CLASRP: variants seen among roughly 807,000 people sequenced by gnomAD.
CLASRP encodes CLK4 associating serine/arginine rich protein, also known as CLK4-associating serine/arginine rich protein.
Under a neutral mutation model 99.9 loss-of-function variants are expected in CLASRP, and 52 were observed. The ratio of observed to expected loss-of-function variants is 0.52; its 90% CI spans 0.42 to 0.66. The LOEUF (loss-of-function observed/expected upper bound fraction) is 0.66. Ranked by LOEUF, CLASRP falls within the 30% of genes least tolerant of loss-of-function variation. CLASRP has a pLI of 0.00. For synonymous variants in CLASRP, 379 were observed against 373.0 expected, an observed-to-expected ratio of 1.02 and a Z score of -0.18; for missense variants, 848 against 999.2, an observed-to-expected ratio of 0.85 and a Z score of 2.04.
At position 45,056,445 on chromosome 19, in the gene CLASRP, T is replaced by C. The variant is rs764474709; in HGVS notation, c.380-5T>C. ...CTCTGACCTGGGGTCTCTTGTTTGC[T>C]GCAGTCTCAGAGGAGCAGTGCCTGT... On this transcript the variant is annotated splice_region_variant and splice_polypyrimidine_tract_variant and intron_variant, in intron 5 of 20. Coordinates refer to ENST00000221455, the MANE Select transcript of CLASRP (RefSeq NM_007056.3). The C allele has an allele frequency of 6.2e-7, 1 of 1,613,876 alleles. No individual in the cohort carries two copies. The highest frequency in any genetic ancestry group is 1.1e-5 in the South Asian group (1 of 91,090).
In CLASRP at chr19:45,056,550, G is replaced by C; in HGVS notation, c.464+16G>C. The C allele has an allele frequency of 6.2e-7, 1 of 1,609,844 alleles. No homozygotes were observed. Among genetic ancestry groups the C allele is most frequent in the Admixed American group, 1.7e-5 (1 of 60,016 alleles). ...AGAAGAAGAAGTGAGTCGGGGTCTG[G>C]GGTGCAGGGGGTTGAGGAGGCAGGA... is the stretch of plus-strand genomic sequence containing the variant. On this transcript the variant is annotated intron_variant, in intron 6 of 20. Coordinates refer to ENST00000221455, the MANE Select transcript of CLASRP (RefSeq NM_007056.3).
At chr19:45,051,946 C>A (rs149224086) in intron 2 of CLASRP, 125 bp from the exon 3 acceptor site, 1 of 698,884 alleles carries the variant, frequency 1.4e-6, no homozygotes. Flanking sequence ...CCAGCCTGGG[C>A]GACAGAGTGA....
chr19:45,046,188 A>T (rs556775844), intron 2 of CLASRP, among the ~76,000 whole-genome samples: 5 of 152,268 alleles, frequency 3.3e-5, no homozygotes, highest in Non-Finnish European at 7.4e-5. Context: ...GGCCGAGAGC[A>T]GAGGCTGTGG....
intron 16 of CLASRP, among the ~76,000 whole-genome samples, 158 bp from the exon 17 acceptor site, chr19:45,068,908 C>T (rs752601904): frequency 4.0e-5 from 6 of 151,346 alleles, no homozygotes; most frequent in Non-Finnish European, 5.9e-5. Flanking sequence ...GGAGATGGCG[C>T]GAACCCGGGG....
intron 2 of CLASRP, among the ~76,000 whole-genome samples, chr19:45,040,967 A>T (rs560225351): frequency 2.0e-4 from 30 of 152,164 alleles, no homozygotes; most frequent in Non-Finnish European, 3.2e-4. Context: ...CAACGCCTGT[A>T]ATCCCAGCAC....
rs371362238 is a variant in CLASRP, at chr19:45,064,439, G to A, written c.1218G>A (p.Gly406=). Residue 406 remains glycine, a synonymous_variant, in exon 13 of 21, where the codon GGG becomes GGA. Transcript: ENST00000221455. ...CCAGCTCCCGCTCTCGCCGTGGTGGGGGCTACTACCGTTCCGGCCGCCACG... is the reference window on the plus strand; with the variant it reads ...CCAGCTCCCGCTCTCGCCGTGGTGGAGGCTACTACCGTTCCGGCCGCCACG... ...SRSSSRSRRG[G]GYYRSGRHAR... The A allele has an allele frequency of 5.0e-4, 769 of 1,525,620 alleles. No individual in the cohort carries two copies. Among genetic ancestry groups the A allele is most frequent in the Non-Finnish European group, 6.4e-4 (725 of 1,137,158 alleles). 94.5% of individuals were successfully genotyped at this position (1,525,620 alleles called of 1,614,324 possible). A position where few individuals can be genotyped will look rare whatever the true frequency, so the allele number is the denominator to read the frequency against.
Position 45,053,058 on chromosome 19 carries a change from C to T in CLASRP, c.300-40C>T, listed in dbSNP as rs191978686. On this transcript the variant is annotated intron_variant, in intron 4 of 20. Transcript: ENST00000221455. ...TCCTGCTGGCTTGGGGGGGGATCCA[C>T]TCCTTCTCTCTGATTTCAAGGTCTC... is the stretch of plus-strand genomic sequence containing the variant. The T allele has an allele frequency of 4.3e-6, 7 of 1,610,490 alleles. No homozygotes were observed. In the African/African-American group the frequency reaches 8.0e-5, roughly 18 times the overall value.
At chr19:45,045,524 A>G (rs1465018936) in intron 2 of CLASRP, among the ~76,000 whole-genome samples, 1 of 152,198 alleles carries the variant, frequency 6.6e-6, no homozygotes, top group Non-Finnish European at 1.5e-5. Context: ...CTTTAAAAAA[A>G]AAGTTTCGGG....
chr19:45,070,230 G>GCTGAGGTGGGTGGATCAATCAC, intron 19 of CLASRP, 126 bp downstream of exon 19: 1 of 705,992 alleles, frequency 1.4e-6, no homozygotes, highest in African/African-American at 1.7e-5. Context: ...ACTTTGGGAG[G>GCTGAGGTGGGTGGATCAATCAC]CTGAGGTGGG....
intron 2 of CLASRP, among the ~76,000 whole-genome samples, chr19:45,042,071 G>C (rs1293218174): frequency 6.6e-6 from 1 of 152,190 alleles, no homozygotes. Flanking sequence ...GGCCTGGTGT[G>C]GTGGCTCACG....
Position 45,067,130 on chromosome 19 carries a change from G to A in CLASRP, c.1410-207G>A, listed in dbSNP as rs191685227. Among the ~76,000 whole-genome samples the A allele has an allele frequency of 3.5e-3, 528 of 152,352 alleles. 2 individuals are homozygous for A. The highest frequency in any genetic ancestry group is 0.012 in the African/African-American group (502 of 41,592). On this transcript the variant is annotated intron_variant, in intron 13 of 20. Transcript: ENST00000221455. This position sits in a 1 kb window ranked among gnomAD's most constrained non-coding sequence, Gnocchi z 4.9. ...ATGATGGCAGGACTGCCCTTAGGCT[G>A]AGTGTATCTAGAGCGCCATCTCTGT... is the stretch of plus-strand genomic sequence containing the variant.
At chr19:45,052,313 G>A (rs143427405) in intron 3 of CLASRP, 145 bp downstream of exon 3, 9 of 667,764 alleles carry the variant, frequency 1.3e-5, no homozygotes, top group African/African-American at 5.3e-5. Flanking sequence ...CGCATATGAA[G>A]GTGATAGTCA....
intron 2 of CLASRP, chr19:45,047,499 C>A (rs185764913): frequency 6.7e-6 from 1 of 149,352 alleles, no homozygotes; most frequent in African/African-American, 2.5e-5. Flanking sequence ...TGGAACGATA[C>A]GGGGATTAGC....
At chr19:45,054,232 G>T (rs546667787) in intron 5 of CLASRP, among the ~76,000 whole-genome samples, 1 of 152,244 alleles carries the variant, frequency 6.6e-6, no homozygotes, top group East Asian at 1.9e-4. Flanking sequence ...AGCAAGGTAG[G>T]GGTGACACCC....
rs762670361 is a variant in CLASRP at position 45,070,816 on chromosome 19, C to T, written c.1996C>T (p.Arg666Ter). The change falls in exon 21 of 21, where the codon CGA becomes TGA. Residue 666 changes from arginine to a stop codon, truncating the protein, a stop_gained. Transcript: ENST00000221455. LOFTEE classifies it high-confidence loss of function. Reference sequence around the variant, plus strand: ...TTCTCTTTCCAGGCGCTCAAGGTCCCGATCCCGAAGCCCCCATTACCGACA... The same window carrying T: ...TTCTCTTTCCAGGCGCTCAAGGTCCTGATCCCGAAGCCCCCATTACCGACA... Reference protein sequence around the residue: ...YSSSRRRSRSRSRSPHYRH With the variant: ...YSSSRRRSRS 13 of 1,610,526 alleles carry T rather than the reference C, an allele frequency of 8.1e-6. No individual in the cohort carries two copies. The highest frequency in any genetic ancestry group is 5.0e-5 in the Admixed American group (3 of 59,622).
chr19:45,050,266 TGGAC>T, intron 2 of CLASRP, among the ~76,000 whole-genome samples: 10 of 152,142 alleles, frequency 6.6e-5, no homozygotes, highest in Admixed American at 1.3e-4. Context: ...GAGCCCAGCC[TGGAC>T]CAGACTGCAT....
chr19:45,051,249 G>C (rs1005368169), intron 2 of CLASRP, among the ~76,000 whole-genome samples: 2 of 152,050 alleles, frequency 1.3e-5, no homozygotes, highest in Non-Finnish European at 2.9e-5. Context: ...CGAGGTCTTC[G>C]TACTGGCTAT....
Position 45,060,434 on chromosome 19 carries a change from C to T in CLASRP, c.756C>T (p.Ala252=). 6.2e-7 allele frequency: 1 copy of T among 1,614,142 alleles called. No homozygotes were observed. Among genetic ancestry groups the T allele is most frequent in the Non-Finnish European group, 8.5e-7 (1 of 1,180,028 alleles). The change falls in exon 9 of 21, where the codon GCC becomes GCT. Residue 252 remains alanine (A), a synonymous_variant. Coordinates refer to ENST00000221455, the MANE Select transcript of CLASRP (RefSeq NM_007056.3). This position sits in a 1 kb window ranked among gnomAD's most constrained non-coding sequence, Gnocchi z 4.6. The part of the protein sequence containing the change: ...DKEEAEAIKH[A]KALEEEKAMY... The stretch of plus-strand genomic sequence containing the variant: ...AGGAGGCAGAGGCCATCAAGCATGC[C>T]AAGGCTCTTGAGGAGGAGAAGGCCA...
chr19:45,062,211 G>C lies in CLASRP; in HGVS notation c.905+16G>C. On this transcript the variant is annotated intron_variant, in intron 11 of 20. Coordinates refer to ENST00000221455, the MANE Select transcript of CLASRP (RefSeq NM_007056.3). Reference sequence around the variant, plus strand: ...CCTATAAGCGGTAAGTTGCTCTGGAGGACCAGGGAATAGCAGACAGGGAGC... The same window carrying C: ...CCTATAAGCGGTAAGTTGCTCTGGACGACCAGGGAATAGCAGACAGGGAGC... 2 of 1,436,848 alleles carry C rather than the reference G, an allele frequency of 1.4e-6. No homozygotes were observed. The highest frequency in any genetic ancestry group is 9.8e-7 in the Non-Finnish European group (1 of 1,018,228). The allele number at this position is 1,436,848 out of a possible 1,614,324, so 89.0% of individuals were successfully genotyped here. A position where few individuals can be genotyped will look rare whatever the true frequency, so the allele number is the denominator to read the frequency against.
Sources: gnomAD v4.1 joint callset for allele counts (sites outside exome capture counted in the v4.1 genomes callset) on GRCh38, gnomAD v4.1.1 for gene constraint, Gnocchi (gnomAD v3.1) non-coding constraint, MANE v1.5 for transcripts, NCBI Gene and HGNC (gene_info 2026-07-23, HGNC 2026-07-21) for gene names.